CFAP97D1: variants seen among roughly 807,000 people sequenced by gnomAD.
CFAP97D1 encodes the protein sperm axonemal maintenance protein CFAP97D1.
A neutral mutation model predicts 20.5 loss-of-function variants in CFAP97D1; 15 were observed. The ratio of observed to expected loss-of-function variants is 0.73; its 90% confidence interval spans 0.49 to 1.13. The LOEUF (loss-of-function observed/expected upper bound fraction) is 1.13. Ranked by LOEUF, CFAP97D1 falls within the 50% of genes most tolerant of loss-of-function variation. CFAP97D1 has a pLI of 0.00. For missense variants in CFAP97D1, 168 were observed against 202.9 expected, an observed-to-expected ratio of 0.83 and a Z score of 1.04; for synonymous variants, 58 against 71.2, an observed-to-expected ratio of 0.82 and a Z score of 0.93.
chr17:43,786,172 T>A lies in CFAP97D1; in HGVS notation c.*1790T>A, dbSNP rs1310236830. 6.6e-6 allele frequency: 1 copy of A among 152,188 alleles called. No homozygotes were observed. Among genetic ancestry groups the A allele is most frequent in the Non-Finnish European group, 1.5e-5 (1 of 68,050 alleles). The allele number at this position is 152,188 out of a possible 1,614,324, so 9.4% of individuals were successfully genotyped here. ...GATTGACATATTCGCCTCTTGTCTG[T>A]TTTTGTTCTTTCTGAATCCACAGCA... On this transcript the variant is annotated 3_prime_UTR_variant, in exon 6 of 6. Coordinates refer to ENST00000449302, the MANE Select transcript of CFAP97D1 (RefSeq NM_001136483.3).
rs942207952 is a variant in CFAP97D1, at chr17:43,783,451, C to G, written c.438+148C>G. 8.1e-6 allele frequency: 9 copies of G among 1,114,530 alleles called. No individual in the cohort carries two copies. The African/African-American group carries it at 9.5e-5, about 12-fold the overall frequency. The allele number at this position is 1,114,530 out of a possible 1,614,324, so 69.0% of individuals were successfully genotyped here. On this transcript the variant is annotated intron_variant, in intron 4 of 5. Transcript: ENST00000449302. ...TAAAAGAAAAACCATCCAAAGCAAA[C>G]AAAGCTAACAGGCACAAACCATCAA...
rs1349765489 is a variant in CFAP97D1 at position 43,783,887 on chromosome 17, T to C, written c.489T>C (p.Asn163=). 3 of 1,548,122 alleles carry C rather than the reference T, an allele frequency of 1.9e-6. No homozygotes were observed. The highest frequency in any genetic ancestry group is 2.6e-6 in the Non-Finnish European group (3 of 1,144,600). The change falls in exon 5 of 6, where the codon AAT becomes AAC. Residue 163 remains asparagine, a synonymous_variant. Transcript: ENST00000449302. ...RNTTRYLLSQ[N]E is the part of the protein sequence containing the mutation. ...CCACGAGATATCTTCTCTCCCAAAA[T>C]GAATAGGTATGTCTCTCTTACTATC...
chr17:43,782,261 A>G (rs1397037732), intron 3 of CFAP97D1, among the ~76,000 whole-genome samples: 1 of 152,232 alleles, frequency 6.6e-6, no homozygotes, highest in Non-Finnish European at 1.5e-5. Context: ...AGGAAGTCCA[A>G]AGATCAAGGT....
chr17:43,782,184 C>T (rs1198442797), intron 3 of CFAP97D1, among the ~76,000 whole-genome samples: 4 of 152,138 alleles, frequency 2.6e-5, no homozygotes, highest in East Asian at 1.9e-4. Flanking sequence ...CATTATAGGG[C>T]GCTATAGCAA....
chr17:43,783,625 G>T lies in CFAP97D1; in HGVS notation c.439-212G>T, dbSNP rs561219047. ...AAGGCTGAATGTACAGGGATGAAGG[G>T]TATAAGATTCAGTCAGTATGCGGTT... On this transcript the variant is annotated intron_variant, in intron 4 of 5. Coordinates refer to ENST00000449302, the MANE Select transcript of CFAP97D1 (RefSeq NM_001136483.3). 2.6e-5 allele frequency among the ~76,000 whole-genome samples: 4 copies of T among 151,570 alleles called. No homozygotes were observed. In the East Asian group the frequency reaches 7.7e-4, roughly 29 times the overall value.
In CFAP97D1 at chr17:43,780,545, A is replaced by C; in HGVS notation, c.83A>C (p.Asp28Ala). The C allele has an allele frequency of 6.4e-7, 1 of 1,551,694 alleles. No homozygotes were observed. The highest frequency in any genetic ancestry group is 2.0e-5 in the Admixed American group (1 of 51,010). Reference protein sequence around the residue: ...RQSTTFRKKLDFGHYVSHKNR... With the variant: ...RQSTTFRKKLAFGHYVSHKNR... ...AGCACAACCTTCAGAAAGAAACTGG[A>C]CTTTGGCCACTACGTATCTCACAAG... The change falls in exon 1 of 6, where the codon GAC becomes GCC. Residue 28 changes from aspartate to alanine, a missense_variant. Coordinates refer to ENST00000449302, the MANE Select transcript of CFAP97D1 (RefSeq NM_001136483.3).
In CFAP97D1 at chr17:43,784,916, C is replaced by T. The variant is rs116541278; in HGVS notation, c.*534C>T. 1 of 151,908 alleles carries T rather than the reference C, an allele frequency of 6.6e-6. No homozygotes were observed. 9.4% of individuals were successfully genotyped at this position (151,908 alleles called of 1,614,324 possible). Reference sequence around the variant, plus strand: ...AAATGTCTCAAAACATACGGTGAGACAATGTTGCAGGCCTGCTATGATTGG... The same window carrying T: ...AAATGTCTCAAAACATACGGTGAGATAATGTTGCAGGCCTGCTATGATTGG... On this transcript the variant is annotated 3_prime_UTR_variant, in exon 6 of 6. Coordinates refer to ENST00000449302, the MANE Select transcript of CFAP97D1 (RefSeq NM_001136483.3).
At chr17:43,780,627 T>C in intron 1 of CFAP97D1, 41 bp downstream of exon 1, 1 of 1,550,464 alleles carries the variant, frequency 6.4e-7, no homozygotes, top group Non-Finnish European at 8.7e-7. Context: ...ATTAGGGATT[T>C]TGGAATGGTA....
At chr17:43,784,008 T>C in intron 5 of CFAP97D1, 115 bp downstream of exon 5, 1 of 680,866 alleles carries the variant, frequency 1.5e-6, no homozygotes, top group East Asian at 2.8e-5. Flanking sequence ...TCTTCTCATA[T>C]AATATTGACT....
At chr17:43,782,631 T>A (rs1248238667) in intron 3 of CFAP97D1, among the ~76,000 whole-genome samples, 1 of 152,154 alleles carries the variant, frequency 6.6e-6, no homozygotes, top group Non-Finnish European at 1.5e-5. Flanking sequence ...CTCAAGGTCT[T>A]GTAGGGGAGA....
Position 43,783,254 on chromosome 17 carries a change from T to C in CFAP97D1, c.389T>C (p.Val130Ala). Residue 130 changes from valine (V) to alanine (A), a missense_variant, in exon 4 of 6, where the codon GTT becomes GCT. Coordinates refer to ENST00000449302, the MANE Select transcript of CFAP97D1 (RefSeq NM_001136483.3). Reference protein sequence around the residue: ...MENQGILKRLVDRKPHYDRRA... With the variant: ...MENQGILKRLADRKPHYDRRA... ...AACCAGGGCATTCTGAAGAGGCTTG[T>C]TGATCGCAAACCCCACTATGACCGC... The C allele has an allele frequency of 6.4e-7, 1 of 1,551,426 alleles. No individual in the cohort carries two copies. The highest frequency in any genetic ancestry group is 8.7e-7 in the Non-Finnish European group (1 of 1,146,842).
Position 43,780,603 on chromosome 17 carries a change from G to A in CFAP97D1, c.124+17G>A. 1 of 1,551,556 alleles carries A rather than the reference G, an allele frequency of 6.4e-7. No homozygotes were observed. The highest frequency in any genetic ancestry group is 1.4e-5 in the African/African-American group (1 of 73,142). Reference sequence around the variant, plus strand: ...TACAAATAGGTATGTGGGCAGTTTGGGCTGGACACTGCTATTAGGGATTTT... The same window carrying A: ...TACAAATAGGTATGTGGGCAGTTTGAGCTGGACACTGCTATTAGGGATTTT... On this transcript the variant is annotated intron_variant, in intron 1 of 5. Transcript: ENST00000449302.
chr17:43,782,115 CA>C (rs1974480879), intron 3 of CFAP97D1, among the ~76,000 whole-genome samples: 1 of 152,192 alleles, frequency 6.6e-6, no homozygotes, highest in Non-Finnish European at 1.5e-5. Flanking sequence ...GAGTCCTATT[CA>C]GTGTGTCACA....
rs535919927 is a variant in CFAP97D1, at chr17:43,784,750, G to T, written c.*368G>T. ...GTACAGCACTGTCAAAATGGAAAAC[G>T]AAATCACATGACAACATCAAGGTTC... On this transcript the variant is annotated 3_prime_UTR_variant, in exon 6 of 6. Coordinates refer to ENST00000449302, the MANE Select transcript of CFAP97D1 (RefSeq NM_001136483.3). 1 of 152,166 alleles carries T rather than the reference G, an allele frequency of 6.6e-6. No homozygotes were observed. The highest frequency in any genetic ancestry group is 1.5e-5 in the Non-Finnish European group (1 of 68,028). The allele number at this position is 152,166 out of a possible 1,614,324, so 9.4% of individuals were successfully genotyped here.
In CFAP97D1 at chr17:43,785,422, TA is replaced by T. The variant is rs1203889120; in HGVS notation, c.*1042del. 1 of 146,924 alleles carries T rather than the reference TA, an allele frequency of 6.8e-6. No individual in the cohort carries two copies. The highest frequency in any genetic ancestry group is 1.5e-5 in the Non-Finnish European group (1 of 67,658). 9.1% of individuals were successfully genotyped at this position (146,924 alleles called of 1,614,324 possible). On this transcript the variant is annotated 3_prime_UTR_variant, in exon 6 of 6. Transcript: ENST00000449302. ...TGCAGAAATTCTAGGGAAGGAGTAG[TA>T]ATTTTTTTTTTTTTTTTTGAGATGA... is the stretch of plus-strand genomic sequence containing the variant.
In CFAP97D1 at chr17:43,781,833, C is replaced by T. The variant is rs79802455; in HGVS notation, c.255C>T (p.Ile85=). The change falls in exon 3 of 6, where the codon ATC becomes ATT. Residue 85 remains isoleucine, a synonymous_variant. Transcript: ENST00000449302. ...EYENKQLCQK[I]ANAHRGPAKV... ...AAAACAAGCAACTGTGTCAGAAAAT[C>T]GCAAATGCCCATCGCGGCCCTGCCA... is the stretch of plus-strand genomic sequence containing the variant. 20 of 1,551,626 alleles carry T rather than the reference C, an allele frequency of 1.3e-5. No individual in the cohort carries two copies. The East Asian group carries it at 4.2e-4, about 32-fold the overall frequency.
Position 43,783,990 on chromosome 17 carries a change from G to T in CFAP97D1, c.*97G>T, listed in dbSNP as rs55705160. On this transcript the variant is annotated intron_variant, in intron 5 of 5. Transcript: ENST00000449302. ...AATGAGGGGCCCAGTTAAGGAGACG[G>T]ATTTTGCTCTTCTCATATAATATTG... 2,398 of 911,974 alleles carry T rather than the reference G, an allele frequency of 2.6e-3. 34 individuals carry two copies. In the African/African-American group the frequency reaches 0.032, roughly 12 times the overall value. 56.5% of individuals were successfully genotyped at this position (911,974 alleles called of 1,614,324 possible).
rs1190932954 is a variant in CFAP97D1 at position 43,783,321 on chromosome 17, T to G, written c.438+18T>G. 6.4e-7 allele frequency: 1 copy of G among 1,550,594 alleles called. No individual in the cohort carries two copies. Among genetic ancestry groups the G allele is most frequent in the Admixed American group, 2.0e-5 (1 of 50,856 alleles). On this transcript the variant is annotated intron_variant, in intron 4 of 5. Coordinates refer to ENST00000449302, the MANE Select transcript of CFAP97D1 (RefSeq NM_001136483.3). ...ACTGGCAGGCACGTGGGCACTCATG[T>G]TATACTCCCAGACACACACAGAGTT...
intron 1 of CFAP97D1, 43 bp from the exon 2 acceptor site, chr17:43,781,076 T>A: frequency 2.7e-6 from 4 of 1,457,164 alleles, no homozygotes; most frequent in Non-Finnish European, 3.8e-6. Context: ...GCTACTGGAA[T>A]TCCTGTGATG....
Sources: gnomAD v4.1 joint callset for allele counts (sites outside exome capture counted in the v4.1 genomes callset) on GRCh38, gnomAD v4.1.1 for gene constraint, MANE v1.5 for transcripts, NCBI Gene and HGNC (gene_info 2026-07-23, HGNC 2026-07-21) for gene names.